Variants in RAD21 observed in about 807,000 individuals in gnomAD.
RAD21 encodes double-strand-break repair protein rad21 homolog.
In RAD21, 18 loss-of-function variants were observed where a neutral mutation model predicts 71.5. The observed-to-expected ratio is 0.25, with a 90% CI of 0.17 to 0.37. The LOEUF is 0.37. Among genes scored for constraint, RAD21 ranks in the 10% least tolerant of loss-of-function variants. The probability of loss-of-function intolerance (pLI) is 1.00; values close to 1 mark genes in which losing one functional copy is unlikely to be tolerated. For synonymous variants in RAD21, 248 were observed against 254.0 expected (o/e 0.98, Z 0.22); for missense variants, 493 against 769.1 (o/e 0.64, Z 4.25).
chr8:116,872,719 G>A (rs907280495), intron 1 of RAD21, among the ~76,000 whole-genome samples: 2 of 152,178 alleles, frequency 1.3e-5, no homozygotes, highest in Non-Finnish European at 2.9e-5. Flanking sequence ...AACCTGAAAG[G>A]TTGAAATCTG....
chr8:116,857,439 T>C lies in RAD21; in HGVS notation c.516A>G (p.Arg172=). 2 of 1,613,376 alleles carry C rather than the reference T, an allele frequency of 1.2e-6. No individual in the cohort carries two copies. Among genetic ancestry groups the C allele is most frequent in the Non-Finnish European group, 1.7e-6 (2 of 1,179,706 alleles). The change falls in exon 6 of 14, where the codon AGA becomes AGG. Residue 172 remains arginine (R), a synonymous_variant. Coordinates refer to ENST00000297338, the MANE Select transcript of RAD21 (RefSeq NM_006265.3). ...CGTCATCCTCAAAAGCACTGCCTTC[T>C]CTCATTATCTCACGATCATCCATTC... is the stretch of plus-strand genomic sequence containing the variant. ...DFGMDDREIM[R]EGSAFEDDDM... is the part of the protein sequence containing the mutation.
chr8:116,852,500 C>A lies in RAD21; in HGVS notation c.1321+49G>T, dbSNP rs944036780. On this transcript the variant is annotated intron_variant, in intron 10 of 13. Transcript: ENST00000297338. Reference sequence around the variant, plus strand: ...TGACAGTATAAAGGTAAATTTTAAGCCAAATACTCATGTGAACTTCATCAA... The same window carrying A: ...TGACAGTATAAAGGTAAATTTTAAGACAAATACTCATGTGAACTTCATCAA... 3.3e-6 allele frequency: 5 copies of A among 1,520,416 alleles called. No homozygotes were observed. The African/African-American group carries it at 5.6e-5, about 17-fold the overall frequency. The allele number at this position is 1,520,416 out of a possible 1,614,324, so 94.2% of individuals were successfully genotyped here. A position where few individuals can be genotyped will look rare whatever the true frequency, so the allele number is the denominator to read the frequency against.
At chr8:116,861,751 A>C in intron 4 of RAD21, 90 bp downstream of exon 4, 2 of 893,282 alleles carry the variant, frequency 2.2e-6, no homozygotes. Context: ...GTTAATGTAA[A>C]ACATTCCAAG....
intron 2 of RAD21, among the ~76,000 whole-genome samples, chr8:116,866,011 C>T (rs531595316): frequency 6.6e-6 from 1 of 152,244 alleles, no homozygotes; most frequent in Non-Finnish European, 1.5e-5. Context: ...TTAGTTTGTA[C>T]AAATGTAAAT....
chr8:116,857,617 T>C, intron 5 of RAD21, 144 bp from the exon 6 acceptor site: 2 of 568,354 alleles, frequency 3.5e-6, no homozygotes, highest in Non-Finnish European at 5.2e-6. Context: ...AGTTTAAACT[T>C]TAATTCTTTA....
chr8:116,864,259 T>C (rs1014354259), intron 2 of RAD21, among the ~76,000 whole-genome samples: 12 of 152,128 alleles, frequency 7.9e-5, no homozygotes, highest in African/African-American at 2.7e-4. Flanking sequence ...CCCCAGATAC[T>C]TTCCCAAACC....
At chr8:116,873,898 A>G (rs912062834) in intron 1 of RAD21, among the ~76,000 whole-genome samples, 2 of 152,260 alleles carry the variant, frequency 1.3e-5, no homozygotes, top group African/African-American at 4.8e-5. Context: ...AATGATCAGA[A>G]AAGTTCAGGG....
At chr8:116,858,808 T>C (rs1157369720) in intron 4 of RAD21, among the ~76,000 whole-genome samples, 1 of 152,130 alleles carries the variant, frequency 6.6e-6, no homozygotes, top group Non-Finnish European at 1.5e-5. Context: ...TAAAGTTCCC[T>C]GACTTCCCTG....
intron 1 of RAD21, among the ~76,000 whole-genome samples, chr8:116,873,554 A>G (rs1254406317): frequency 6.6e-6 from 1 of 152,232 alleles, no homozygotes; most frequent in Middle Eastern, 3.2e-3. Context: ...TAACCAGTAT[A>G]ATGACAACAA....
At chr8:116,863,030 C>T in intron 3 of RAD21, 100 bp downstream of exon 3, 1 of 1,402,406 alleles carries the variant, frequency 7.1e-7, no homozygotes. Context: ...TAAAACAAAG[C>T]ATGTAGATTT....
Position 116,865,170 on chromosome 8 carries a change from A to G in RAD21, c.144+1416T>C, listed in dbSNP as rs565038578. Among the ~76,000 whole-genome samples the G allele has an allele frequency of 2.0e-5, 3 of 152,232 alleles. No individual in the cohort carries two copies. In the South Asian group the frequency reaches 6.2e-4, roughly 32 times the overall value. On this transcript the variant is annotated intron_variant, in intron 2 of 13. Coordinates refer to ENST00000297338, the MANE Select transcript of RAD21 (RefSeq NM_006265.3). ...AGAAATCACTTTCTCTCATAAACAC[A>G]TTACAATCTTTTACATTATTCCTGA...
chr8:116,857,874 G>T (rs1812502942), intron 5 of RAD21, among the ~76,000 whole-genome samples: 1 of 152,200 alleles, frequency 6.6e-6, no homozygotes, highest in Non-Finnish European at 1.5e-5. Flanking sequence ...ACTTGAGGCT[G>T]AAGTGGGAGG....
At chr8:116,864,602 T>C (rs1480921590) in intron 2 of RAD21, among the ~76,000 whole-genome samples, 2 of 152,024 alleles carry the variant, frequency 1.3e-5, no homozygotes, top group Non-Finnish European at 2.9e-5. Flanking sequence ...TTGCTCCTAA[T>C]GGAAAAACAG....
Position 116,852,758 on chromosome 8 carries a change from T to C in RAD21, c.1162-50A>G, listed in dbSNP as rs1812380379. The C allele has an allele frequency of 2.3e-6, 3 of 1,306,902 alleles. No homozygotes were observed. The East Asian group carries it at 8.1e-5, about 35-fold the overall frequency. 81.0% of individuals were successfully genotyped at this position (1,306,902 alleles called of 1,614,324 possible). ...ATTTCAATTATAAAATAAATCTAAT[T>C]AAAAAGTCACCACTGATTTCTATCT... On this transcript the variant is annotated intron_variant, in intron 9 of 13. Transcript: ENST00000297338.
chr8:116,857,361 G>A lies in RAD21; in HGVS notation c.594C>T (p.Ser198=). 1 of 1,612,680 alleles carries A rather than the reference G, an allele frequency of 6.2e-7. No homozygotes were observed. Among genetic ancestry groups the A allele is most frequent in the Middle Eastern group, 1.8e-4 (1 of 5,676 alleles). The change falls in exon 6 of 14, where the codon AGC becomes AGT. Residue 198 remains serine, a synonymous_variant. Coordinates refer to ENST00000297338, the MANE Select transcript of RAD21 (RefSeq NM_006265.3). The part of the protein sequence containing the change: ...TSNLLLESEQ[S]TSNLNEKINH... ...TAATTTTCTCATTCAGATTGCTGGTGCTCTGTTCAGACTCTAATAGGAGGT... is the reference window on the plus strand; with the variant it reads ...TAATTTTCTCATTCAGATTGCTGGTACTCTGTTCAGACTCTAATAGGAGGT...
intron 10 of RAD21, 39 bp from the exon 11 acceptor site, chr8:116,852,135 A>G (rs374874736): frequency 3.2e-6 from 5 of 1,544,488 alleles, no homozygotes; most frequent in African/African-American, 1.4e-5. Flanking sequence ...TAGGTCATAC[A>G]GTTTTGAACA....
At chr8:116,868,766 G>C (rs1812749465) in intron 1 of RAD21, among the ~76,000 whole-genome samples, 1 of 151,006 alleles carries the variant, frequency 6.6e-6, no homozygotes, top group Non-Finnish European at 1.5e-5. Context: ...CAATGTAACA[G>C]AACTGAGAAC....
chr8:116,863,267 T>TA lies in RAD21; in HGVS notation c.145-9dup. Reference sequence around the variant, plus strand: ...CCGTAATGCCATTTTCACCTATGAATAAAACATTAATCATATTCCAAAACC... The same window carrying TA: ...CCGTAATGCCATTTTCACCTATGAATAAAAACATTAATCATATTCCAAAACC... On this transcript the variant is annotated splice_polypyrimidine_tract_variant and intron_variant, in intron 2 of 13. Transcript: ENST00000297338. 6.2e-7 allele frequency: 1 copy of TA among 1,606,260 alleles called. No individual in the cohort carries two copies. The highest frequency in any genetic ancestry group is 2.2e-5 in the East Asian group (1 of 44,816).
rs768736192 is a variant in RAD21 at position 116,847,677 on chromosome 8, T to C, written c.1719A>G (p.Lys573=). ...MLHGLQRALA[K]TGAESISLLE... ...GCAAACTGATAGATTCAGCTCCAGT[T>C]TTAGCAAGAGCACGCTGAAATAAAA... Residue 573 remains lysine, a synonymous_variant, in exon 14 of 14, where the codon AAA becomes AAG. Transcript: ENST00000297338. 1 of 1,612,798 alleles carries C rather than the reference T, an allele frequency of 6.2e-7. No individual in the cohort carries two copies. The highest frequency in any genetic ancestry group is 1.3e-5 in the African/African-American group (1 of 74,800).
Sources: gnomAD v4.1 joint callset for allele counts (sites outside exome capture counted in the v4.1 genomes callset) on GRCh38, gnomAD v4.1.1 for gene constraint, MANE v1.5 for transcripts, NCBI Gene and HGNC (gene_info 2026-07-23, HGNC 2026-07-21) for gene names.